Variants in SMARCB1 observed in about 807,000 individuals in gnomAD.
SMARCB1 encodes the protein SWI/SNF related BAF chromatin remodeling complex subunit B1.
SMARCB1 carries 5 observed loss-of-function variants against 49.0 expected under a neutral mutation model. The observed-to-expected ratio is 0.10, with a 90% CI of 0.05 to 0.21. The LOEUF (loss-of-function observed/expected upper bound fraction) is 0.21, where lower values mean the gene tolerates loss of function less well. Among genes scored for constraint, SMARCB1 ranks in the 10% least tolerant of loss-of-function variants. The pLI, the probability that SMARCB1 is intolerant of heterozygous loss-of-function variation, is 1.00. For missense variants in SMARCB1, 226 were observed against 509.2 expected (o/e 0.44, Z 5.35); for synonymous variants, 201 against 200.1 (o/e 1.00, Z -0.04).
At chr22:23,790,353 C>T (rs943185744) in intron 1 of SMARCB1, among the ~76,000 whole-genome samples, 24 of 152,168 alleles carry the variant, frequency 1.6e-4, no homozygotes, top group African/African-American at 3.9e-4. Context: ...CTTCTCTCAG[C>T]GTTCAGTAGC....
At chr22:23,803,154 G>C in intron 4 of SMARCB1, 141 bp from the exon 5 acceptor site, 1 of 1,110,720 alleles carries the variant, frequency 9.0e-7, no homozygotes, top group Admixed American at 1.7e-5. Context: ...AGCCTCGTCT[G>C]CTGCCTCAGC....
chr22:23,834,371 C>T lies in SMARCB1; in HGVS notation c.*191C>T. The T allele has an allele frequency of 1.4e-6, 1 of 699,824 alleles. No individual in the cohort carries two copies. Among genetic ancestry groups the T allele is most frequent in the South Asian group, 1.5e-5 (1 of 66,700 alleles). 43.4% of individuals were successfully genotyped at this position (699,824 alleles called of 1,614,324 possible). On this transcript the variant is annotated 3_prime_UTR_variant, in exon 9 of 9. Transcript: ENST00000644036. ...TTTGTTGAGCCCCAGTCCTGCCCCC[C>T]ACCCCACCCTCCCTACCCCTCCCCA...
At position 23,834,580 on chromosome 22, in the gene SMARCB1, G is replaced by A; in HGVS notation, c.*400G>A. ...ATAATGAGAGCCAGGAGTGGGGCCG[G>A]GGCCTGGGGGGACGAAGGTGGTATG... On this transcript the variant is annotated 3_prime_UTR_variant, in exon 9 of 9. Transcript: ENST00000644036. 4.3e-6 allele frequency: 3 copies of A among 701,392 alleles called. No homozygotes were observed. The highest frequency in any genetic ancestry group is 3.0e-5 in the South Asian group (2 of 66,612). The allele number at this position is 701,392 out of a possible 1,614,324, so 43.4% of individuals were successfully genotyped here.
Position 23,816,752 on chromosome 22 carries a change from T to G in SMARCB1, c.629-18T>G. On this transcript the variant is annotated intron_variant, in intron 5 of 8. Transcript: ENST00000644036. ...CATGGTGCAATCTCTTGGCATCCCT[T>G]CCCTCTCCTGATTTCAGAGAAGTTG... 6.2e-7 allele frequency: 1 copy of G among 1,611,600 alleles called. No individual in the cohort carries two copies. The highest frequency in any genetic ancestry group is 2.2e-5 in the East Asian group (1 of 44,868).
At chr22:23,832,915 G>C (rs1242700912) in intron 7 of SMARCB1, among the ~76,000 whole-genome samples, 1 of 152,170 alleles carries the variant, frequency 6.6e-6, no homozygotes, top group Non-Finnish European at 1.5e-5. Context: ...GGTGGTCCTT[G>C]TGAGACCCAG....
chr22:23,799,559 C>G (rs1281003975), intron 3 of SMARCB1, among the ~76,000 whole-genome samples: 1 of 133,276 alleles, frequency 7.5e-6, no homozygotes, highest in Non-Finnish European at 1.6e-5. Context: ...GTTGCCCAGG[C>G]TGGACTGCAA....
At chr22:23,826,915 C>T (rs946915583) in intron 7 of SMARCB1, among the ~76,000 whole-genome samples, 1 of 152,234 alleles carries the variant, frequency 6.6e-6, no homozygotes, top group African/African-American at 2.4e-5. Flanking sequence ...GGTTCTGCTT[C>T]ACAGACAGGG....
At position 23,834,805 on chromosome 22, in the gene SMARCB1, A is replaced by C; in HGVS notation, c.*625A>C. On this transcript the variant is annotated 3_prime_UTR_variant, in exon 9 of 9. Transcript: ENST00000644036. ...TCTCTGCCTTTCAGGAACAGCCCTA[A>C]CCCTGCTCCCCTTGCTTGGCCTCAG... The C allele has an allele frequency of 6.2e-7, 1 of 1,605,030 alleles. No homozygotes were observed. Among genetic ancestry groups the C allele is most frequent in the Non-Finnish European group, 8.5e-7 (1 of 1,176,206 alleles).
intron 3 of SMARCB1, among the ~76,000 whole-genome samples, chr22:23,800,272 TG>T (rs769774200): frequency 6.6e-6 from 1 of 152,262 alleles, no homozygotes; most frequent in African/African-American, 2.4e-5. Flanking sequence ...TCATGGGACA[TG>T]GGTTATTTAA....
At chr22:23,787,579 C>T (rs1031349500) in intron 1 of SMARCB1, among the ~76,000 whole-genome samples, 1 of 152,186 alleles carries the variant, frequency 6.6e-6, no homozygotes, top group South Asian at 2.1e-4. Context: ...ATTGAGTTAG[C>T]CCCTGCGACG....
In SMARCB1 at chr22:23,816,591, C is replaced by T. The variant is rs35743054; in HGVS notation, c.629-179C>T. Reference sequence around the variant, plus strand: ...TCTGTGCAGGATGAGGGCTGGGGGCCTGCTAGTCATGTGCTTCCTCCTTCC... The same window carrying T: ...TCTGTGCAGGATGAGGGCTGGGGGCTTGCTAGTCATGTGCTTCCTCCTTCC... On this transcript the variant is annotated intron_variant, in intron 5 of 8. Coordinates refer to ENST00000644036, the MANE Select transcript of SMARCB1 (RefSeq NM_003073.5). The T allele has an allele frequency of 4.7e-4, 321 of 689,010 alleles. 3 individuals carry two copies. In the African/African-American group the frequency reaches 5.0e-3, roughly 11 times the overall value. The allele number at this position is 689,010 out of a possible 1,614,324, so 42.7% of individuals were successfully genotyped here.
In SMARCB1 at chr22:23,807,373, C is replaced by T. The variant is rs534577115; in HGVS notation, c.628+3951C>T. 6.9e-4 allele frequency among the ~76,000 whole-genome samples: 105 copies of T among 152,158 alleles called. 1 individual carries two copies. Among genetic ancestry groups the T allele is most frequent in the South Asian group, 1.7e-3 (8 of 4,818 alleles). On this transcript the variant is annotated intron_variant, in intron 5 of 8. Transcript: ENST00000644036. ...CTGAGGTGGGCAGATCACTTTACCC[C>T]GGGAGTTCAAGACCAGCCTGGGTGT... is the stretch of plus-strand genomic sequence containing the variant.
At position 23,836,294 on chromosome 22, in the gene SMARCB1, G is replaced by A. The variant is rs986048490; in HGVS notation, c.*2114G>A. On this transcript the variant is annotated 3_prime_UTR_variant, in exon 9 of 9. Transcript: ENST00000644036. Reference sequence around the variant, plus strand: ...TCACCAGATGAAAAATGAGGCATACGCCCACCTGTCAGGGTGGCTGATGAG... The same window carrying A: ...TCACCAGATGAAAAATGAGGCATACACCCACCTGTCAGGGTGGCTGATGAG... 10 of 985,292 alleles carry A rather than the reference G, an allele frequency of 1.0e-5. No homozygotes were observed. Among genetic ancestry groups the A allele is most frequent in the East Asian group, 1.1e-4 (1 of 8,818 alleles). 61.0% of individuals were successfully genotyped at this position (985,292 alleles called of 1,614,324 possible). A position where few individuals can be genotyped will look rare whatever the true frequency, so the allele number is the denominator to read the frequency against.
intron 7 of SMARCB1, among the ~76,000 whole-genome samples, chr22:23,828,743 A>G (rs529403372): frequency 6.6e-6 from 1 of 152,318 alleles, no homozygotes; most frequent in South Asian, 2.1e-4. Flanking sequence ...TCTCCCAGCC[A>G]GAGCTCAGTG....
At chr22:23,792,259 G>A in intron 2 of SMARCB1, 1 of 359,686 alleles carries the variant, frequency 2.8e-6, no homozygotes, top group Non-Finnish European at 5.4e-6. Flanking sequence ...GGCGGGTGGT[G>A]GTCCCAGCTC....
chr22:23,802,049 C>G (rs758833018), intron 4 of SMARCB1: 1 of 155,530 alleles, frequency 6.4e-6, no homozygotes, highest in Admixed American at 6.3e-5. Flanking sequence ...CCTCAGACAG[C>G]CCCCCACTGC....
chr22:23,813,016 C>A (rs1466310027), intron 5 of SMARCB1, among the ~76,000 whole-genome samples: 1 of 152,120 alleles, frequency 6.6e-6, no homozygotes, highest in Non-Finnish European at 1.5e-5. Context: ...AGGTGCCCTG[C>A]CACCACACCC....
intron 7 of SMARCB1, among the ~76,000 whole-genome samples, chr22:23,827,253 G>A (rs1421649067): frequency 2.6e-5 from 4 of 152,218 alleles, no homozygotes; most frequent in Admixed American, 2.0e-4. Flanking sequence ...TCCTGCAGCC[G>A]CTGCCAGTGC....
intron 3 of SMARCB1, 87 bp downstream of exon 3, chr22:23,793,775 G>T: frequency 8.8e-5 from 96 of 1,086,620 alleles, no homozygotes; most frequent in Non-Finnish European, 1.1e-4. Context: ...AAGTTAAATT[G>T]AAACACTTTT....
Sources: gnomAD v4.1 joint callset for allele counts (sites outside exome capture counted in the v4.1 genomes callset) on GRCh38, gnomAD v4.1.1 for gene constraint, MANE v1.5 for transcripts, NCBI Gene and HGNC (gene_info 2026-07-23, HGNC 2026-07-21) for gene names.